The following GPHN variants were observed in gnomAD, a reference collection of about 807,000 sequenced individuals.
The protein encoded by GPHN is gephyrin.
GPHN carries 17 observed loss-of-function variants against 95.5 expected under a neutral mutation model. That is an observed-to-expected ratio of 0.18 (90% confidence interval 0.12 to 0.27). GPHN has a LOEUF of 0.27. Among genes scored for constraint, GPHN ranks in the 10% least tolerant of loss-of-function variants. The probability of loss-of-function intolerance (pLI) is 1.00; values close to 1 mark genes in which losing one functional copy is unlikely to be tolerated. For missense variants in GPHN, 660 were observed against 978.1 expected, an observed-to-expected ratio of 0.67 and a Z score of 4.34; for synonymous variants, 320 against 322.5, an observed-to-expected ratio of 0.99 and a Z score of 0.08.
chr14:67,481,212 G>A, the GPHN span, among the ~76,000 whole-genome samples: 1 of 152,208 alleles, frequency 6.6e-6, no homozygotes, highest in Non-Finnish European at 1.5e-5. Flanking sequence ...GAGTTCAAGA[G>A]TTTGAGGCTA....
chr14:66,674,711 T>G (rs2066491120), intron 1 of GPHN, among the ~76,000 whole-genome samples: 1 of 152,218 alleles, frequency 6.6e-6, no homozygotes, highest in Admixed American at 6.5e-5. Context: ...TCTTTATCCA[T>G]TCATCTGTTG....
At chr14:67,589,408 C>CAA in the GPHN span, 35 of 985,188 alleles carry the variant, frequency 3.6e-5, no homozygotes, top group Non-Finnish European at 4.2e-5. Flanking sequence ...TCCTTCTTGG[C>CAA]AAAAGTAGCT....
At chr14:67,093,295 A>G (rs1434583554) in intron 12 of GPHN, among the ~76,000 whole-genome samples, 1 of 152,136 alleles carries the variant, frequency 6.6e-6, no homozygotes, top group Non-Finnish European at 1.5e-5. Context: ...CCTGGCCACT[A>G]TTAGCATTTT....
chr14:67,320,000 A>C, the GPHN span, among the ~76,000 whole-genome samples: 1 of 152,200 alleles, frequency 6.6e-6, no homozygotes, highest in African/African-American at 2.4e-5. Flanking sequence ...GTATAATTAT[A>C]TTGTATTAGA....
intron 1 of GPHN, among the ~76,000 whole-genome samples, chr14:66,670,419 T>C (rs1237875894): frequency 6.6e-6 from 1 of 152,204 alleles, no homozygotes; most frequent in African/African-American, 2.4e-5. Context: ...GCTATATTCA[T>C]GCATGTATCA....
chr14:66,688,426 G>A (rs2067543949), intron 2 of GPHN, among the ~76,000 whole-genome samples: 1 of 152,102 alleles, frequency 6.6e-6, no homozygotes, highest in Admixed American at 6.5e-5. Flanking sequence ...ATTGTTCAAG[G>A]GTCTAACTGA....
chr14:67,481,433 C>T, the GPHN span, among the ~76,000 whole-genome samples: 2 of 152,064 alleles, frequency 1.3e-5, no homozygotes, highest in Admixed American at 6.5e-5. Context: ...AGACAGTGTC[C>T]GAGGGCAGAA....
chr14:67,726,137 C>G, the GPHN span: 5 of 1,610,532 alleles, frequency 3.1e-6, no homozygotes, highest in Non-Finnish European at 4.2e-6. Context: ...TGAAACCCAC[C>G]TGGGAGTCAA....
At chr14:66,914,583 A>G (rs1321082406) in intron 5 of GPHN, among the ~76,000 whole-genome samples, 2 of 152,078 alleles carry the variant, frequency 1.3e-5, no homozygotes, top group Non-Finnish European at 2.9e-5. Context: ...TGTTATGGTA[A>G]TATTTCTAGT....
chr14:67,408,733 C>G, the GPHN span, among the ~76,000 whole-genome samples: 1 of 152,212 alleles, frequency 6.6e-6, no homozygotes, highest in Admixed American at 6.5e-5. Flanking sequence ...GCCCTGGCAA[C>G]ACCTTGATTT....
chr14:66,670,365 A>C (rs1232846892), intron 1 of GPHN, among the ~76,000 whole-genome samples: 1 of 152,194 alleles, frequency 6.6e-6, no homozygotes, highest in Non-Finnish European at 1.5e-5. Flanking sequence ...AGTGGAGGAG[A>C]TCATAAATCA....
rs527831124 is a variant in GPHN, at chr14:66,680,401, A to C, written c.65-706A>C. Among the ~76,000 whole-genome samples, 118 of 152,348 alleles carry C rather than the reference A, an allele frequency of 7.7e-4. 1 individual carries two copies. The highest frequency in any genetic ancestry group is 2.7e-3 in the African/African-American group (113 of 41,584). On this transcript the variant is annotated intron_variant, in intron 1 of 22. Coordinates refer to ENST00000478722, the MANE Select transcript of GPHN (RefSeq NM_020806.5). ...TGTCTTCTAATCACCACAACATTAC[A>C]GGGATTATTATTTGCCCCATGGCCT... is the stretch of plus-strand genomic sequence containing the variant.
chr14:67,683,354 T>C, the GPHN span, among the ~76,000 whole-genome samples: 1 of 152,158 alleles, frequency 6.6e-6, no homozygotes, highest in Non-Finnish European at 1.5e-5. Context: ...CAGTATACTA[T>C]ATAAATCTAT....
rs145123486 is a variant in GPHN at position 66,873,773 on chromosome 14, A to G, written c.295-6166A>G. Among the ~76,000 whole-genome samples, 455 of 152,284 alleles carry G rather than the reference A, an allele frequency of 3.0e-3. 3 individuals are homozygous for G. Among genetic ancestry groups the G allele is most frequent in the African/African-American group, 0.011 (437 of 41,566 alleles). ...AGGAGCCCCAGGCAGGGGCTTATAG[A>G]TAAAACTCCCATCTCCCTGGGACAG... On this transcript the variant is annotated intron_variant, in intron 4 of 22. Transcript: ENST00000478722.
At chr14:66,892,263 GTT>G in intron 5 of GPHN, among the ~76,000 whole-genome samples, 1 of 152,074 alleles carries the variant, frequency 6.6e-6, no homozygotes, top group Non-Finnish European at 1.5e-5. Context: ...TACAAAACTT[GTT>G]TAAAAAAATT....
chr14:67,517,055 G>A, the GPHN span, among the ~76,000 whole-genome samples: 1 of 152,218 alleles, frequency 6.6e-6, no homozygotes, highest in Non-Finnish European at 1.5e-5. Flanking sequence ...GCTGGAGATA[G>A]GTCAGGGAAA....
chr14:67,474,136 C>T, the GPHN span, among the ~76,000 whole-genome samples: 1 of 152,144 alleles, frequency 6.6e-6, no homozygotes, highest in Non-Finnish European at 1.5e-5. Flanking sequence ...CCTGTAATCC[C>T]AGCTACTTGG....
chr14:67,064,541 T>C (rs1276707630), intron 11 of GPHN, among the ~76,000 whole-genome samples: 4 of 152,156 alleles, frequency 2.6e-5, no homozygotes, highest in African/African-American at 9.7e-5. Flanking sequence ...TCGTAGAATT[T>C]GGCTGTGAAT....
chr14:66,565,834 C>G (rs747966779), intron 1 of GPHN, among the ~76,000 whole-genome samples: 1 of 152,076 alleles, frequency 6.6e-6, no homozygotes, highest in African/African-American at 2.4e-5. Context: ...TTTCACCACA[C>G]TTAACATGAA....
Sources: gnomAD v4.1 joint callset for allele counts (sites outside exome capture counted in the v4.1 genomes callset) on GRCh38, gnomAD v4.1.1 for gene constraint, MANE v1.5 for transcripts, NCBI Gene and HGNC (gene_info 2026-07-23, HGNC 2026-07-21) for gene names.